CENPW: variants seen among roughly 807,000 people sequenced by gnomAD.
The protein encoded by CENPW is cancer-up-regulated gene 2 protein.
In CENPW, 3 loss-of-function variants were observed where a neutral mutation model predicts 11.1. The ratio of observed to expected loss-of-function variants is 0.27; its 90% CI spans 0.12 to 0.70. The LOEUF (loss-of-function observed/expected upper bound fraction) is 0.70. CENPW is among the 30% of genes least tolerant of loss of function. The probability of loss-of-function intolerance (pLI) is 0.77; values close to 1 mark genes in which losing one functional copy is unlikely to be tolerated. For synonymous variants in CENPW, 38 were observed against 42.0 expected (o/e 0.91, Z 0.37); for missense variants, 100 against 105.6 (o/e 0.95, Z 0.23).
At chr6:126,432,267 A>G in the CENPW span, among the ~76,000 whole-genome samples, 2 of 151,956 alleles carry the variant, frequency 1.3e-5, no homozygotes, top group African/African-American at 4.8e-5. Flanking sequence ...TATGTTCCCA[A>G]TACACTTGCT....
chr6:126,377,211 A>C, the CENPW span, among the ~76,000 whole-genome samples: 1 of 152,174 alleles, frequency 6.6e-6, no homozygotes. Flanking sequence ...GGAGTTATAT[A>C]ATTACAGAGA....
At chr6:126,376,078 T>G in the CENPW span, among the ~76,000 whole-genome samples, 1 of 152,254 alleles carries the variant, frequency 6.6e-6, no homozygotes, top group Admixed American at 6.5e-5. Context: ...TGGAACTGGC[T>G]GAGACACTAA....
At chr6:126,419,704 T>G in the CENPW span, among the ~76,000 whole-genome samples, 1 of 152,186 alleles carries the variant, frequency 6.6e-6, no homozygotes, top group Non-Finnish European at 1.5e-5. Flanking sequence ...TTCCTCTGCA[T>G]CTAGGAGAGA....
the CENPW span, among the ~76,000 whole-genome samples, chr6:126,401,351 G>A: frequency 3.4e-3 from 521 of 152,082 alleles, 1 homozygote; most frequent in Middle Eastern, 0.014. Context: ...TTCGGAGAGG[G>A]TGTCTCTCTA....
the CENPW span, among the ~76,000 whole-genome samples, chr6:126,412,362 C>T: frequency 3.3e-5 from 5 of 151,810 alleles, no homozygotes; most frequent in South Asian, 1.0e-3. Flanking sequence ...CTCCCAGCAA[C>T]TTAAATATGT....
At chr6:126,375,329 T>A in the CENPW span, among the ~76,000 whole-genome samples, 1 of 152,194 alleles carries the variant, frequency 6.6e-6, no homozygotes, top group East Asian at 1.9e-4. Flanking sequence ...TTATTCTCAG[T>A]GGGAAGGGAA....
At chr6:126,355,576 GTGTTATAC>G in the CENPW span, among the ~76,000 whole-genome samples, 1 of 152,082 alleles carries the variant, frequency 6.6e-6, no homozygotes, top group East Asian at 1.9e-4. Context: ...TGTTCTTCCT[GTGTTATAC>G]TGATATTTTA....
the CENPW span, among the ~76,000 whole-genome samples, chr6:126,360,453 G>A: frequency 4.6e-5 from 7 of 151,982 alleles, no homozygotes; most frequent in African/African-American, 1.7e-4. Context: ...AGTATTTCTT[G>A]AATTTGCATG....
the CENPW span, among the ~76,000 whole-genome samples, chr6:126,418,660 A>C: frequency 1.3e-5 from 2 of 152,070 alleles, no homozygotes; most frequent in African/African-American, 4.8e-5. Flanking sequence ...ACTCCAGATA[A>C]AGTTATGGCA....
At chr6:126,410,950 CATT>C in the CENPW span, among the ~76,000 whole-genome samples, 1 of 151,990 alleles carries the variant, frequency 6.6e-6, no homozygotes, top group African/African-American at 2.4e-5. Context: ...TTCTTAATAT[CATT>C]ATTTTTAATA....
the CENPW span, among the ~76,000 whole-genome samples, chr6:126,378,808 G>T: frequency 4.6e-5 from 7 of 151,914 alleles, no homozygotes; most frequent in African/African-American, 1.7e-4. Flanking sequence ...ACTCTTTAGA[G>T]AAAAAGGAAA....
the CENPW span, among the ~76,000 whole-genome samples, chr6:126,383,281 A>G: frequency 6.6e-6 from 1 of 152,208 alleles, no homozygotes; most frequent in African/African-American, 2.4e-5. Flanking sequence ...GAAGTACTAA[A>G]TATGAAAAGA....
chr6:126,411,511 C>A, the CENPW span, among the ~76,000 whole-genome samples: 1 of 152,174 alleles, frequency 6.6e-6, no homozygotes, highest in African/African-American at 2.4e-5. Context: ...GTTTCTTGAA[C>A]CTATTGTGGC....
downstream of CENPW, among the ~76,000 whole-genome samples, chr6:126,349,982 C>T (rs147155711): frequency 2.1e-3 from 313 of 152,122 alleles, no homozygotes; most frequent in Non-Finnish European, 3.1e-3. Context: ...TGAGTAGCCT[C>T]CTTCTTGCAC....
At chr6:126,360,248 G>A in the CENPW span, among the ~76,000 whole-genome samples, 4 of 152,276 alleles carry the variant, frequency 2.6e-5, no homozygotes, top group Non-Finnish European at 5.9e-5. Flanking sequence ...CTGAAAATAG[G>A]TTCTCAGTGT....
At chr6:126,379,525 A>G in the CENPW span, among the ~76,000 whole-genome samples, 27 of 152,260 alleles carry the variant, frequency 1.8e-4, no homozygotes, top group African/African-American at 6.5e-4. Flanking sequence ...CTTAATTTTT[A>G]TTATGCTGCT....
At chr6:126,417,507 A>T in the CENPW span, among the ~76,000 whole-genome samples, 1 of 152,178 alleles carries the variant, frequency 6.6e-6, no homozygotes, top group Non-Finnish European at 1.5e-5. Context: ...CTCATCTTAA[A>T]TTCCCACATG....
At chr6:126,375,944 C>T in the CENPW span, among the ~76,000 whole-genome samples, 3 of 152,142 alleles carry the variant, frequency 2.0e-5, no homozygotes, top group African/African-American at 2.4e-5. Context: ...TTGTTGCTCT[C>T]TTTCCTATGC....
chr6:126,458,991 T>A, the CENPW span, among the ~76,000 whole-genome samples: 1 of 151,470 alleles, frequency 6.6e-6, no homozygotes, highest in Non-Finnish European at 1.5e-5. Flanking sequence ...TAGGGTGTTT[T>A]CTCTGATTAT....
Sources: gnomAD v4.1 joint callset for allele counts (sites outside exome capture counted in the v4.1 genomes callset) on GRCh38, gnomAD v4.1.1 for gene constraint, MANE v1.5 for transcripts, NCBI Gene and HGNC (gene_info 2026-07-23, HGNC 2026-07-21) for gene names.